DLG3: variants seen among roughly 807,000 people sequenced by gnomAD.
DLG3 encodes disks large homolog 3.
Under a neutral mutation model 64.1 loss-of-function variants are expected in DLG3, and 1 was observed. The observed-to-expected ratio is 0.02, with a 90% CI of 0.01 to 0.07. The LOEUF (loss-of-function observed/expected upper bound fraction) is 0.07, where lower values mean the gene tolerates loss of function less well. Among genes scored for constraint, DLG3 ranks in the 10% least tolerant of loss-of-function variants. The pLI, the probability that DLG3 is intolerant of heterozygous loss-of-function variation, is 1.00. For synonymous variants in DLG3, 245 were observed against 259.8 expected, an observed-to-expected ratio of 0.94 and a Z score of 0.55; for missense variants, 429 against 669.5, an observed-to-expected ratio of 0.64 and a Z score of 3.96.
At chrX:70,479,535 A>C (rs1427147763) in intron 10 of DLG3, among the ~76,000 whole-genome samples, 1 of 112,186 alleles carries the variant, frequency 8.9e-6, no homozygotes, top group East Asian at 2.8e-4. Flanking sequence ...GTTGCTAGTC[A>C]GCATTCAAAT....
Position 70,451,968 on chromosome X carries a change from C to G in DLG3, c.1087C>G (p.Pro363Ala). 8.3e-7 allele frequency: 1 copy of G among 1,210,542 alleles called. No individual in the cohort carries two copies. The highest frequency in any genetic ancestry group is 1.1e-6 in the Non-Finnish European group (1 of 894,806). Residue 363 changes from proline to alanine, a missense_variant, in exon 7 of 19, where the codon CCC becomes GCC. Physicochemically the swap from Pro to Ala is conservative, Grantham distance 27. Transcript: ENST00000374360. ...CAGCTACCCTGCTCCTCCTCAGGTTCCCCCCACCCGCTACTCTCCTATTCC... is the reference window on the plus strand; with the variant it reads ...CAGCTACCCTGCTCCTCCTCAGGTTGCCCCCACCCGCTACTCTCCTATTCC... ...KVSYPAPPQV[P>A]PTRYSPIPRH...
At chrX:70,486,650 C>CTTTTT (rs371561978) in intron 10 of DLG3, among the ~76,000 whole-genome samples, 1 of 71,630 alleles carries the variant, frequency 1.4e-5, no homozygotes, top group African/African-American at 5.0e-5. Flanking sequence ...ATACCTTTTG[C>CTTTTT]TTTTTTTTTT....
intron 9 of DLG3, among the ~76,000 whole-genome samples, chrX:70,478,667 T>G (rs2087099844): frequency 9.0e-6 from 1 of 111,486 alleles, no homozygotes; most frequent in Non-Finnish European, 1.9e-5. Context: ...AAAAATTGTC[T>G]TCTTGCCTAA....
chrX:70,464,914 C>T, intron 9 of DLG3, among the ~76,000 whole-genome samples: 2 of 111,674 alleles, frequency 1.8e-5, no homozygotes, highest in Middle Eastern at 9.2e-3. Context: ...TGAGATGGCA[C>T]CACTGTGCTA....
intron 9 of DLG3, among the ~76,000 whole-genome samples, chrX:70,469,446 CT>C (rs869146273): frequency 1.8e-3 from 182 of 98,977 alleles, no homozygotes; most frequent in Admixed American, 2.1e-3. Context: ...CCATTTCTTT[CT>C]TTTTTTTTTT....
intron 9 of DLG3, among the ~76,000 whole-genome samples, chrX:70,466,029 C>G (rs1326163434): frequency 9.0e-6 from 1 of 111,291 alleles, no homozygotes; most frequent in Non-Finnish European, 1.9e-5. Flanking sequence ...TATGAACATA[C>G]TTAAGGTTTT....
chrX:70,454,409 G>T, intron 9 of DLG3, 93 bp downstream of exon 9: 2 of 757,342 alleles, frequency 2.6e-6, no homozygotes. Flanking sequence ...AAAGCCACTT[G>T]ACCAGGTCCC....
At chrX:70,450,374 C>G in intron 5 of DLG3, 69 bp downstream of exon 5, 1 of 1,109,610 alleles carries the variant, frequency 9.0e-7, no homozygotes, top group South Asian at 2.1e-5. Flanking sequence ...CCCCTTACTC[C>G]GCCTAAACCT....
intron 9 of DLG3, among the ~76,000 whole-genome samples, chrX:70,463,742 T>C (rs993756923): frequency 8.9e-6 from 1 of 111,997 alleles, no homozygotes; most frequent in Non-Finnish European, 1.9e-5. Flanking sequence ...ACCTTCCTCT[T>C]AGGGACTCAA....
Position 70,497,128 on chromosome X carries a change from G to T in DLG3, c.1820-1392G>T, listed in dbSNP as rs1254987176. On this transcript the variant is annotated intron_variant, in intron 13 of 18. Transcript: ENST00000374360. ...AGCATTTGAGTTTTGTGCTGCATGT[G>T]ACCTCTCAGTGGTGTGTTCTGAATT... is the stretch of plus-strand genomic sequence containing the variant. The T allele has an allele frequency of 6.1e-6, 7 of 1,149,675 alleles. No individual in the cohort carries two copies. In the East Asian group the frequency reaches 2.1e-4, roughly 34 times the overall value. 94.7% of individuals were successfully genotyped at this position (1,149,675 alleles called of 1,213,427 possible). A position where few individuals can be genotyped will look rare whatever the true frequency, so the allele number is the denominator to read the frequency against.
chrX:70,475,461 G>A (rs1490477678), intron 9 of DLG3, among the ~76,000 whole-genome samples: 1 of 111,202 alleles, frequency 9.0e-6, no homozygotes, highest in Non-Finnish European at 1.9e-5. Flanking sequence ...AGGTTCAAGC[G>A]ATTCTCCTGC....
chrX:70,479,159 G>A lies in DLG3; in HGVS notation c.1415G>A (p.Arg472His), dbSNP rs747855598. Reference sequence around the variant, plus strand: ...CTTGTTTCCGTGACAGAATACAGTCGCTTTGAATCGAAGATACATGACTTA... The same window carrying A: ...CTTGTTTCCGTGACAGAATACAGTCACTTTGAATCGAAGATACATGACTTA... ...VAQYRPEEYS[R>H]FESKIHDLRE... The change falls in exon 10 of 19, where the codon CGC becomes CAC. Residue 472 changes from arginine to histidine, a missense_variant. Physicochemically the swap from Arg to His is conservative, Grantham distance 29. Transcript: ENST00000374360. 6.6e-6 allele frequency: 8 copies of A among 1,205,405 alleles called. No homozygotes were observed. Among genetic ancestry groups the A allele is most frequent in the East Asian group, 5.9e-5 (2 of 33,750 alleles).
intron 12 of DLG3, 126 bp from the exon 13 acceptor site, chrX:70,495,282 T>G: frequency 6.8e-6 from 4 of 591,550 alleles, no homozygotes; most frequent in Non-Finnish European, 1.1e-5. Context: ...CCTCCCCCCT[T>G]GTCTTTTTCT....
At chrX:70,501,362 G>A (rs2087555355) in intron 18 of DLG3, among the ~76,000 whole-genome samples, 1 of 108,284 alleles carries the variant, frequency 9.2e-6, no homozygotes, top group African/African-American at 3.4e-5. Context: ...TGATGATGAT[G>A]ATTCCTCGGT....
intron 9 of DLG3, among the ~76,000 whole-genome samples, chrX:70,460,551 A>T (rs73216716): frequency 0.04 from 4,542 of 112,506 alleles, 73 homozygotes; most frequent in East Asian, 0.064. Flanking sequence ...ATAAGCAAGC[A>T]TTCATTTTTT....
intron 9 of DLG3, among the ~76,000 whole-genome samples, chrX:70,456,967 G>A (rs1365069568): frequency 8.9e-6 from 1 of 112,077 alleles, no homozygotes; most frequent in East Asian, 2.8e-4. Flanking sequence ...ATGTATGTTG[G>A]TTGGCAAGAG....
intron 9 of DLG3, among the ~76,000 whole-genome samples, chrX:70,477,862 G>T (rs2087083463): frequency 8.9e-6 from 1 of 111,880 alleles, no homozygotes; most frequent in Non-Finnish European, 1.9e-5. Context: ...CCAGTTGAAG[G>T]TCAGTCTGGT....
At chrX:70,460,081 G>A (rs1168262940) in intron 9 of DLG3, among the ~76,000 whole-genome samples, 1 of 110,494 alleles carries the variant, frequency 9.1e-6, no homozygotes, top group Non-Finnish European at 1.9e-5. Flanking sequence ...TCAAGAGATC[G>A]AGACCATCCT....
chrX:70,493,391 C>T (rs781034247), intron 12 of DLG3: 27 of 1,205,871 alleles, frequency 2.2e-5, no homozygotes, highest in Non-Finnish European at 3.0e-5. Context: ...CAAAACGAAA[C>T]GTAAAAAGAG....
Sources: allele counts gnomAD v4.1 joint callset (sites outside exome capture counted in the v4.1 genomes callset), GRCh38; gene constraint gnomAD v4.1.1; transcripts MANE v1.5; gene names NCBI Gene and HGNC (gene_info 2026-07-23, HGNC 2026-07-21).